The following SEMA4A variants were observed in gnomAD, a reference collection of about 807,000 sequenced individuals.
The protein encoded by SEMA4A is semaphorin 4A, also known as semaphorin-4A.
In SEMA4A, 52 loss-of-function variants were observed where a neutral mutation model predicts 72.5. That is an observed-to-expected ratio of 0.72 (90% CI 0.57 to 0.90). The LOEUF (loss-of-function observed/expected upper bound fraction) is 0.90. Ranked by LOEUF, SEMA4A falls within the 40% of genes least tolerant of loss-of-function variation. SEMA4A has a pLI of 0.00. For synonymous variants in SEMA4A, 369 were observed against 393.1 expected, an observed-to-expected ratio of 0.94 and a Z score of 0.73; for missense variants, 926 against 959.7, an observed-to-expected ratio of 0.96 and a Z score of 0.46.
intron 1 of SEMA4A, 74 bp from the exon 2 acceptor site, chr1:156,154,476 C>A: frequency 7.3e-7 from 1 of 1,364,456 alleles, no homozygotes; most frequent in Non-Finnish European, 1.0e-6. Context: ...CTGCCTGGGG[C>A]TCTCCTATTG....
chr1:156,155,366 T>C (rs1189278739), intron 2 of SEMA4A: 4 of 152,834 alleles, frequency 2.6e-5, no homozygotes, highest in African/African-American at 4.8e-5. Flanking sequence ...TCTGGGGCAA[T>C]TGGTAAAAGA....
chr1:156,175,805 A>G (rs1260180261), intron 14 of SEMA4A, 149 bp downstream of exon 14: 1 of 682,612 alleles, frequency 1.5e-6, no homozygotes, highest in Non-Finnish European at 2.7e-6. Context: ...GGTCCTGGCT[A>G]TAGGGAAGAG....
intron 8 of SEMA4A, 41 bp downstream of exon 8, chr1:156,161,070 A>T: frequency 6.3e-7 from 1 of 1,575,098 alleles, no homozygotes; most frequent in Non-Finnish European, 8.6e-7. Context: ...CTGGAGGAGA[A>T]CCAATAGGGA....
intron 10 of SEMA4A, among the ~76,000 whole-genome samples, chr1:156,165,738 C>G (rs1398018922): frequency 6.6e-6 from 1 of 151,660 alleles, no homozygotes; most frequent in Non-Finnish European, 1.5e-5. Context: ...TCACTGGAAT[C>G]TTATAGTGCT....
intron 1 of SEMA4A, chr1:156,154,277 G>A (rs1404729589): frequency 4.4e-6 from 2 of 459,214 alleles, no homozygotes; most frequent in Admixed American, 7.3e-5. Context: ...AGGCAAACCA[G>A]AGCTGTTGGT....
In SEMA4A at chr1:156,169,407, C is replaced by CTTTTTTTTTT. The variant is rs766983966; in HGVS notation, c.1135-3402_1135-3393dup. ...CATCTAGGTTTATGTCTTTTCTTTT[C>CTTTTTTTTTT]TTTTTTTTTTTTTTTTTTTTTTTTT... On this transcript the variant is annotated intron_variant, in intron 10 of 14. Coordinates refer to ENST00000368285, the MANE Select transcript of SEMA4A (RefSeq NM_022367.4). 2.6e-3 allele frequency among the ~76,000 whole-genome samples: 222 copies of CTTTTTTTTTT among 85,258 alleles called. 3 individuals are homozygous for CTTTTTTTTTT. Among genetic ancestry groups the CTTTTTTTTTT allele is most frequent in the Non-Finnish European group, 3.8e-3 (165 of 42,974 alleles). The allele number at this position is 85,258 out of a possible 152,430, so 55.9% of individuals were successfully genotyped here. A position where few individuals can be genotyped will look rare whatever the true frequency, so the allele number is the denominator to read the frequency against.
At position 156,172,808 on chromosome 1, in the gene SEMA4A, G is replaced by A. The variant is rs766494026; in HGVS notation, c.1135-18G>A. ...GGGAAGGGGCAAACCAACCTGATCT[G>A]CCTCCCTCCTCCTTTAGTGCTCAGT... On this transcript the variant is annotated intron_variant, in intron 10 of 14. Coordinates refer to ENST00000368285, the MANE Select transcript of SEMA4A (RefSeq NM_022367.4). 8.7e-6 allele frequency: 14 copies of A among 1,613,774 alleles called. No homozygotes were observed. Among genetic ancestry groups the A allele is most frequent in the Non-Finnish European group, 1.2e-5 (14 of 1,179,692 alleles).
upstream of SEMA4A, among the ~76,000 whole-genome samples, chr1:156,152,031 G>A (rs1652579799): frequency 6.6e-6 from 1 of 151,936 alleles, no homozygotes; most frequent in Non-Finnish European, 1.5e-5. Context: ...GCAGGAGGGA[G>A]GACTGAGGGA....
rs1170550575 is a variant in SEMA4A at position 156,176,387 on chromosome 1, CCTTT to C, written c.1694-11_1694-8del. 2 of 1,582,816 alleles carry C rather than the reference CCTTT, an allele frequency of 1.3e-6. No individual in the cohort carries two copies. The highest frequency in any genetic ancestry group is 1.7e-6 in the Non-Finnish European group (2 of 1,151,900). On this transcript the variant is annotated splice_polypyrimidine_tract_variant and intron_variant, in intron 14 of 14. Coordinates refer to ENST00000368285, the MANE Select transcript of SEMA4A (RefSeq NM_022367.4). ...TCACTTCTCCCTTAACCCTTTTGCT[CCTTT>C]CTTTCTCCTACAGTTAAAGAAGTCC... is the stretch of plus-strand genomic sequence containing the variant.
chr1:156,176,313 A>C, intron 14 of SEMA4A, 92 bp from the exon 15 acceptor site: 1 of 859,126 alleles, frequency 1.2e-6, no homozygotes, highest in Non-Finnish European at 1.8e-6. Context: ...AAAAAAAAAG[A>C]GGGCTGGGGT....
intron 10 of SEMA4A, among the ~76,000 whole-genome samples, chr1:156,166,844 T>G (rs1486632276): frequency 6.6e-6 from 1 of 151,354 alleles, no homozygotes; most frequent in African/African-American, 2.4e-5. Flanking sequence ...CAGAAGAATC[T>G]CTTGAACCCA....
rs751252651 is a variant in SEMA4A, at chr1:156,176,845, G to GCT, written c.2136_2137dup (p.Arg713LeufsTer19). 1 of 1,614,232 alleles carries GCT rather than the reference G, an allele frequency of 6.2e-7. No homozygotes were observed. Among genetic ancestry groups the GCT allele is most frequent in the South Asian group, 1.1e-5 (1 of 91,088 alleles). On this transcript the variant is annotated frameshift_variant, in exon 15 of 15. Transcript: ENST00000368285. LOFTEE classifies it low-confidence loss of function (END_TRUNC). ...GGCCTCCCCATTGAGAGCACTCCGG[G>GCT]CTCGGGGCAAGGTTCAGGGCTGTGA...
chr1:156,170,537 A>C (rs1214500491), intron 10 of SEMA4A, among the ~76,000 whole-genome samples: 1 of 149,064 alleles, frequency 6.7e-6, no homozygotes, highest in Admixed American at 6.8e-5. Flanking sequence ...TGGGCAGATC[A>C]TGAGGTCAGA....
In SEMA4A at chr1:156,175,200, G is replaced by C; in HGVS notation, c.1549G>C (p.Asp517His). 6.2e-7 allele frequency: 1 copy of C among 1,614,072 alleles called. No individual in the cohort carries two copies. The highest frequency in any genetic ancestry group is 8.5e-7 in the Non-Finnish European group (1 of 1,179,996). Residue 517 changes from aspartate (D) to histidine (H), a missense_variant, in exon 13 of 15, where the codon GAC becomes CAC. Physicochemically the swap from Asp to His is moderately conservative, Grantham distance 81 (BLOSUM62 -1). Transcript: ENST00000368285. ...TGCCCGGGACCCCCACTGTGCCTGG[G>C]ACCCTGAGTCCCGAACCTGTTGCCT... is the stretch of plus-strand genomic sequence containing the variant. ...VLARDPHCAW[D>H]PESRTCCLLS...
intron 2 of SEMA4A, 116 bp from the exon 3 acceptor site, chr1:156,156,298 G>T: frequency 1.1e-6 from 1 of 933,020 alleles, no homozygotes; most frequent in Admixed American, 1.9e-5. Context: ...GCATCTAGCT[G>T]CCAAGGCCTG....
chr1:156,151,141 A>T (rs939753816), upstream of SEMA4A, among the ~76,000 whole-genome samples: 2 of 152,198 alleles, frequency 1.3e-5, no homozygotes, highest in Non-Finnish European at 2.9e-5. Context: ...TGTGTGCAGG[A>T]CCTGCTATAT....
Position 156,161,466 on chromosome 1 carries a change from C to G in SEMA4A, c.931C>G (p.Pro311Ala). The change falls in exon 9 of 15, where the codon CCC becomes GCC. Residue 311 changes from proline (P) to alanine (A), a missense_variant. Physicochemically the swap from Pro to Ala is conservative, Grantham distance 27. Transcript: ENST00000368285. ...FNVIRHAVLLPADSPTAPHIY... is the reference protein window; with the variant it reads ...FNVIRHAVLLAADSPTAPHIY... ...CGTCATCCGCCACGCGGTCCTGCTCCCCGCCGATTCTCCCACAGCTCCCCA... is the reference window on the plus strand; with the variant it reads ...CGTCATCCGCCACGCGGTCCTGCTCGCCGCCGATTCTCCCACAGCTCCCCA... 6.2e-7 allele frequency: 1 copy of G among 1,614,058 alleles called. No homozygotes were observed. The highest frequency in any genetic ancestry group is 8.5e-7 in the Non-Finnish European group (1 of 1,179,986).
At chr1:156,170,081 G>T (rs752692080) in intron 10 of SEMA4A, among the ~76,000 whole-genome samples, 1 of 152,086 alleles carries the variant, frequency 6.6e-6, no homozygotes, top group Non-Finnish European at 1.5e-5. Context: ...CCAGCACTTT[G>T]GGAGGCCGAG....
At chr1:156,149,244 G>A (rs1045717483), upstream of SEMA4A, among the ~76,000 whole-genome samples, 1 of 152,170 alleles carries the variant, frequency 6.6e-6, no homozygotes, top group Non-Finnish European at 1.5e-5. Flanking sequence ...CATACAAACC[G>A]CTGCCTGCCT....
Sources: allele counts gnomAD v4.1 joint callset (sites outside exome capture counted in the v4.1 genomes callset), GRCh38; gene constraint gnomAD v4.1.1; transcripts MANE v1.5; gene names NCBI Gene and HGNC (gene_info 2026-07-23, HGNC 2026-07-21).